Variants in OSBPL9 observed in about 807,000 individuals in gnomAD.
The protein encoded by OSBPL9 is oxysterol-binding protein-related protein 9.
A neutral mutation model predicts 106.6 loss-of-function variants in OSBPL9; 40 were observed. The observed-to-expected ratio is 0.38, with a 90% CI of 0.29 to 0.49. The LOEUF is 0.49. Ranked by LOEUF, OSBPL9 falls within the 20% of genes least tolerant of loss-of-function variation. OSBPL9 has a pLI of 0.97. For synonymous variants in OSBPL9, 269 were observed against 295.4 expected, an observed-to-expected ratio of 0.91 and a Z score of 0.92; for missense variants, 609 against 887.2, an observed-to-expected ratio of 0.69 and a Z score of 3.98.
the OSBPL9 span, among the ~76,000 whole-genome samples, chr1:51,530,189 A>AAAAAAAAAAAAAAAAC: frequency 1.1e-4 from 10 of 94,114 alleles, no homozygotes; most frequent in South Asian, 2.7e-3. Flanking sequence ...AAAAAAAAAA[A>AAAAAAAAAAAAAAAAC]AAACAAAAAA....
chr1:51,661,742 T>C (rs1015389702), intron 2 of OSBPL9, among the ~76,000 whole-genome samples: 3 of 152,290 alleles, frequency 2.0e-5, no homozygotes, highest in South Asian at 2.1e-4. Context: ...CATATATAGA[T>C]TATCAAAGGG....
intron 8 of OSBPL9, chr1:51,752,371 A>G (rs1669437841): frequency 1.0e-5 from 3 of 291,014 alleles, no homozygotes; most frequent in Non-Finnish European, 2.1e-5. Context: ...CTTTGGAAAG[A>G]CTTTTCCTGA....
chr1:51,609,397 G>A (rs1217635463), intron 2 of OSBPL9, among the ~76,000 whole-genome samples: 2 of 148,318 alleles, frequency 1.3e-5, no homozygotes, highest in East Asian at 3.9e-4. Context: ...AGGTTGGAGT[G>A]CAGTGGCACC....
intron 1 of OSBPL9, among the ~76,000 whole-genome samples, chr1:51,643,290 A>G (rs1209951915): frequency 6.6e-6 from 1 of 152,152 alleles, no homozygotes; most frequent in Non-Finnish European, 1.5e-5. Flanking sequence ...TTATTTTCCC[A>G]CAGTATTATG....
At chr1:51,592,175 C>T (rs1385576082) in intron 1 of OSBPL9, among the ~76,000 whole-genome samples, 4 of 127,252 alleles carry the variant, frequency 3.1e-5, no homozygotes, top group African/African-American at 9.0e-5. Context: ...AGTGCAGTGG[C>T]GCAATCTCGG....
chr1:51,787,821 C>G lies in OSBPL9; in HGVS notation c.*32C>G, dbSNP rs767346428. The G allele has an allele frequency of 1.3e-6, 2 of 1,553,270 alleles. No individual in the cohort carries two copies. The highest frequency in any genetic ancestry group is 8.9e-7 in the Non-Finnish European group (1 of 1,126,114). On this transcript the variant is annotated 3_prime_UTR_variant, in exon 24 of 24. Coordinates refer to ENST00000428468, the MANE Select transcript of OSBPL9 (RefSeq NM_024586.6). The stretch of plus-strand genomic sequence containing the variant: ...AGATGCAAAGTTTATACCTGATGAT[C>G]AGGGCAGTAGGCATAATTCAGCAAC...
chr1:51,544,428 C>T, the OSBPL9 span, among the ~76,000 whole-genome samples: 4 of 152,216 alleles, frequency 2.6e-5, 1 homozygote, highest in African/African-American at 9.6e-5. Context: ...GACTGGTACT[C>T]TGTGTTTCCT....
At chr1:51,531,413 G>C in the OSBPL9 span, among the ~76,000 whole-genome samples, 12 of 152,146 alleles carry the variant, frequency 7.9e-5, no homozygotes, top group African/African-American at 2.9e-4. Flanking sequence ...TATGATGATG[G>C]CTTGGTGGTG....
chr1:51,711,901 C>G (rs1461231405), intron 3 of OSBPL9, among the ~76,000 whole-genome samples: 2 of 151,602 alleles, frequency 1.3e-5, no homozygotes, highest in Non-Finnish European at 2.9e-5. Flanking sequence ...GGATGGCGGC[C>G]GGGCAGAGAT....
intron 2 of OSBPL9, among the ~76,000 whole-genome samples, chr1:51,660,672 T>C (rs1023312166): frequency 3.3e-5 from 5 of 152,228 alleles, no homozygotes; most frequent in Non-Finnish European, 7.3e-5. Flanking sequence ...AATCAATGAA[T>C]GAATGATGCT....
upstream of OSBPL9, among the ~76,000 whole-genome samples, chr1:51,575,367 A>ATTT (rs66865959): frequency 7.1e-6 from 1 of 141,344 alleles, no homozygotes; most frequent in Non-Finnish European, 1.6e-5. Context: ...CACCCGGCTA[A>ATTT]TTTTTTTTTT....
chr1:51,788,850 CT>C lies in OSBPL9; in HGVS notation c.*1062del, dbSNP rs916621153. Among the ~76,000 whole-genome samples, 1 of 151,930 alleles carries C rather than the reference CT, an allele frequency of 6.6e-6. No individual in the cohort carries two copies. Among genetic ancestry groups the C allele is most frequent in the African/African-American group, 2.4e-5 (1 of 41,266 alleles). On this transcript the variant is annotated 3_prime_UTR_variant, in exon 24 of 24. Coordinates refer to ENST00000428468, the MANE Select transcript of OSBPL9 (RefSeq NM_024586.6). ...GAAATACAGAACTATATCTATCTAT[CT>C]ATCTATCATCTTTTTTATTTAAAAA...
Position 51,597,610 on chromosome 1 carries a change from T to G in OSBPL9, c.-422-514T>G, listed in dbSNP as rs373653067. On this transcript the variant is annotated intron_variant, in intron 1 of 25. Coordinates refer to the OSBPL9 transcript ENST00000371714. ...TGGTATTTTAAGCCACATAGCTAGA[T>G]GAGATCTTTAAGAGAGAGGAGCAAT... Among the ~76,000 whole-genome samples the G allele has an allele frequency of 4.8e-4, 73 of 152,050 alleles. 3 individuals are homozygous for G. In the South Asian group the frequency reaches 0.012, roughly 25 times the overall value.
At chr1:51,677,702 C>T (rs1651603028) in intron 3 of OSBPL9, among the ~76,000 whole-genome samples, 1 of 152,098 alleles carries the variant, frequency 6.6e-6, no homozygotes, top group African/African-American at 2.4e-5. Context: ...AGGCATCCAC[C>T]ACCACTCTCG....
Position 51,783,902 on chromosome 1 carries a change from A to G in OSBPL9, c.1514-13A>G. 1.3e-5 allele frequency: 20 copies of G among 1,585,060 alleles called. No individual in the cohort carries two copies. The highest frequency in any genetic ancestry group is 1.6e-5 in the Non-Finnish European group (19 of 1,153,836). On this transcript the variant is annotated splice_polypyrimidine_tract_variant and intron_variant, in intron 17 of 23. Transcript: ENST00000428468. The stretch of plus-strand genomic sequence containing the variant: ...AGGTATATATAATCTACTAATTGAA[A>G]ATTTCTATTCAGTTTCAGCCTTTTA...
At chr1:51,624,912 G>C (rs757813033) in intron 1 of OSBPL9, among the ~76,000 whole-genome samples, 2 of 152,196 alleles carry the variant, frequency 1.3e-5, no homozygotes, top group Non-Finnish European at 2.9e-5. Flanking sequence ...CTTCAAGCCT[G>C]ACAATGAGGC....
chr1:51,731,397 G>C (rs1372968621), intron 4 of OSBPL9, among the ~76,000 whole-genome samples: 1 of 152,144 alleles, frequency 6.6e-6, no homozygotes, highest in Non-Finnish European at 1.5e-5. Context: ...GTTGCGGTGA[G>C]CTATGATTGC....
At chr1:51,769,635 A>C (rs970865408) in intron 12 of OSBPL9, among the ~76,000 whole-genome samples, 7 of 152,192 alleles carry the variant, frequency 4.6e-5, no homozygotes, top group African/African-American at 1.7e-4. Context: ...ATTCTAGACA[A>C]CTTAGCCCAT....
At chr1:51,769,303 A>G (rs1394596476) in intron 12 of OSBPL9, among the ~76,000 whole-genome samples, 1 of 152,158 alleles carries the variant, frequency 6.6e-6, no homozygotes, top group Non-Finnish European at 1.5e-5. Context: ...AAAGACCTAT[A>G]CTAATGATAG....
Sources: allele counts gnomAD v4.1 joint callset (sites outside exome capture counted in the v4.1 genomes callset), GRCh38; gene constraint gnomAD v4.1.1; transcripts MANE v1.5; gene names NCBI Gene and HGNC (gene_info 2026-07-23, HGNC 2026-07-21).